THRB: variants seen among roughly 807,000 people sequenced by gnomAD.
The protein encoded by THRB is thyroid hormone receptor beta.
THRB carries 12 observed loss-of-function variants against 47.8 expected under a neutral mutation model. The ratio of observed to expected loss-of-function variants is 0.25; its 90% CI spans 0.16 to 0.41. THRB has a LOEUF of 0.41. Ranked by LOEUF, THRB falls within the 10% of genes least tolerant of loss-of-function variation. The pLI, the probability that THRB is intolerant of heterozygous loss-of-function variation, is 1.00. For synonymous variants in THRB, 218 were observed against 212.2 expected (o/e 1.03, Z -0.24); for missense variants, 348 against 589.2 (o/e 0.59, Z 4.24).
chr3:24,293,024 G>GTTTT (rs931017486), intron 3 of THRB, among the ~76,000 whole-genome samples: 2 of 151,878 alleles, frequency 1.3e-5, no homozygotes, highest in African/African-American at 4.8e-5. Context: ...CAAAGTTTTT[G>GTTTT]TTTGTTGCTC....
chr3:24,172,599 C>T (rs1408990954), intron 5 of THRB, among the ~76,000 whole-genome samples: 3 of 151,954 alleles, frequency 2.0e-5, no homozygotes, highest in Admixed American at 6.6e-5. Flanking sequence ...TATGCTTTTA[C>T]AAAAATGTGC....
chr3:24,246,433 G>C (rs2050118267), intron 3 of THRB, among the ~76,000 whole-genome samples: 1 of 152,144 alleles, frequency 6.6e-6, no homozygotes, highest in African/African-American at 2.4e-5. Context: ...TTTGAAAAGG[G>C]CATGGTATTG....
chr3:24,495,186 TC>T (rs1423327593), upstream of THRB: 1 of 152,436 alleles, frequency 6.6e-6, no homozygotes, highest in Admixed American at 6.5e-5. Flanking sequence ...TGACCTGGTT[TC>T]CCCTCCAGCC....
intron 1 of THRB, among the ~76,000 whole-genome samples, chr3:24,405,851 C>A (rs1372093956): frequency 1.3e-5 from 2 of 151,328 alleles, no homozygotes; most frequent in Non-Finnish European, 3.0e-5. Context: ...AATATTGATT[C>A]TTTCTGTCAA....
intron 3 of THRB, among the ~76,000 whole-genome samples, chr3:24,295,044 T>A (rs1576621805): frequency 6.6e-6 from 1 of 152,194 alleles, no homozygotes; most frequent in Admixed American, 6.5e-5. Flanking sequence ...GTAACTATGA[T>A]ACCAACTCAA....
chr3:24,286,431 T>A (rs1222804529), intron 3 of THRB, among the ~76,000 whole-genome samples: 2 of 152,190 alleles, frequency 1.3e-5, no homozygotes, highest in African/African-American at 4.8e-5. Context: ...TCTTCACCGT[T>A]CAACCCTGTC....
intron 3 of THRB, among the ~76,000 whole-genome samples, chr3:24,249,163 C>T (rs1250315393): frequency 6.6e-6 from 1 of 152,042 alleles, no homozygotes; most frequent in Non-Finnish European, 1.5e-5. Flanking sequence ...TGATAAGGCC[C>T]AATCCAAAGG....
chr3:24,401,809 T>C (rs1181506488), intron 1 of THRB, among the ~76,000 whole-genome samples: 2 of 151,960 alleles, frequency 1.3e-5, no homozygotes, highest in African/African-American at 4.8e-5. Flanking sequence ...TTGTCAGACC[T>C]ACAGAATAAG....
chr3:24,156,073 A>AT (rs1230478544), intron 5 of THRB, among the ~76,000 whole-genome samples: 2 of 152,174 alleles, frequency 1.3e-5, no homozygotes, highest in African/African-American at 2.4e-5. Context: ...AGGACTTGAG[A>AT]TTTTTTCAGT....
chr3:24,335,171 G>A (rs1048539221), intron 2 of THRB, among the ~76,000 whole-genome samples: 3 of 152,098 alleles, frequency 2.0e-5, no homozygotes, highest in African/African-American at 7.2e-5. Context: ...TAAACCTCCT[G>A]GGAGCTACAC....
At chr3:24,161,822 TC>T (rs1553624126) in intron 5 of THRB, among the ~76,000 whole-genome samples, 1 of 109,266 alleles carries the variant, frequency 9.2e-6, no homozygotes, top group Non-Finnish European at 1.9e-5. Flanking sequence ...AGGACAACCC[TC>T]CCCCACCCCC....
chr3:24,397,707 C>G (rs528469182), intron 1 of THRB, among the ~76,000 whole-genome samples: 1 of 151,782 alleles, frequency 6.6e-6, no homozygotes, highest in East Asian at 2.0e-4. Flanking sequence ...CTCAGCCTCC[C>G]AAGTAGTTGA....
At chr3:24,269,403 GCA>G (rs200586026) in intron 3 of THRB, among the ~76,000 whole-genome samples, 3,630 of 72,234 alleles carry the variant, frequency 0.05, 45 homozygotes, top group Non-Finnish European at 0.069. Context: ...GCGCGCGCGC[GCA>G]CACACACACA....
At chr3:24,207,177 G>T (rs942108692) in intron 4 of THRB, among the ~76,000 whole-genome samples, 9 of 152,086 alleles carry the variant, frequency 5.9e-5, no homozygotes, top group Admixed American at 3.9e-4. Context: ...CCAAAGCCTG[G>T]CCGAGACACA....
intron 3 of THRB, among the ~76,000 whole-genome samples, chr3:24,237,112 A>C (rs559276391): frequency 3.9e-5 from 6 of 152,272 alleles, no homozygotes; most frequent in Non-Finnish European, 7.4e-5. Flanking sequence ...AGTTAGTAAA[A>C]ATGTGGAAAA....
intron 3 of THRB, chr3:24,237,896 C>T (rs1316892839): frequency 1.3e-5 from 2 of 152,122 alleles, no homozygotes; most frequent in Non-Finnish European, 2.9e-5. Flanking sequence ...AATTTATTGT[C>T]ACATTGAGTG....
intron 1 of THRB, among the ~76,000 whole-genome samples, chr3:24,453,737 C>T (rs1448127079): frequency 6.6e-6 from 1 of 152,154 alleles, no homozygotes; most frequent in South Asian, 2.1e-4. Context: ...TGTAAACCGG[C>T]CCCTTCCCTC....
intron 9 of THRB, among the ~76,000 whole-genome samples, chr3:24,130,679 G>A (rs1020350606): frequency 5.9e-5 from 9 of 152,228 alleles, no homozygotes; most frequent in South Asian, 2.1e-4. Context: ...CAAGCCCTTC[G>A]GTGCAGATGT....
rs533820996 is a variant in THRB at position 24,210,818 on chromosome 3, T to G, written c.22+18120A>C. Among the ~76,000 whole-genome samples the G allele has an allele frequency of 1.1e-3, 166 of 152,306 alleles. 1 individual carries two copies. The highest frequency in any genetic ancestry group is 3.8e-3 in the African/African-American group (159 of 41,562). The stretch of plus-strand genomic sequence containing the variant: ...GCTAGCAGAAACCTATTTTAAATGG[T>G]CACTAATTGAGTGGAAAGTCAGCTT... On this transcript the variant is annotated intron_variant, in intron 4 of 10. Coordinates refer to ENST00000646209, the MANE Select transcript of THRB (RefSeq NM_001354712.2).
Sources: gnomAD v4.1 joint callset for allele counts (sites outside exome capture counted in the v4.1 genomes callset) on GRCh38, gnomAD v4.1.1 for gene constraint, MANE v1.5 for transcripts, NCBI Gene and HGNC (gene_info 2026-07-23, HGNC 2026-07-21) for gene names.